Variants in SEMA6D observed in about 807,000 individuals in gnomAD.
The protein encoded by SEMA6D is semaphorin 6D, also known as semaphorin-6D.
SEMA6D carries 35 observed loss-of-function variants against 106.6 expected under a neutral mutation model. The observed-to-expected ratio is 0.33, with a 90% CI of 0.25 to 0.44. The LOEUF (loss-of-function observed/expected upper bound fraction) is 0.44, where lower values mean the gene tolerates loss of function less well. Among genes scored for constraint, SEMA6D ranks in the 20% least tolerant of loss-of-function variants. The pLI is 1.00. For missense variants in SEMA6D, 1,185 were observed against 1,345.9 expected (o/e 0.88, Z 1.87); for synonymous variants, 499 against 487.7 (o/e 1.02, Z -0.31).
intron 4 of SEMA6D, among the ~76,000 whole-genome samples, chr15:47,601,676 C>T (rs958985742): frequency 4.6e-5 from 7 of 152,116 alleles, no homozygotes; most frequent in African/African-American, 1.4e-4. Context: ...GTTTGCAATA[C>T]GTTTGGCAGA....
intron 2 of SEMA6D, among the ~76,000 whole-genome samples, chr15:47,436,763 A>G (rs1398084346): frequency 1.2e-5 from 1 of 80,594 alleles, no homozygotes. Context: ...TCTATTAAAA[A>G]AAAAAATATA....
chr15:47,603,394 A>G (rs1285044791), intron 4 of SEMA6D: 1 of 152,116 alleles, frequency 6.6e-6, no homozygotes, highest in Non-Finnish European at 1.5e-5. Flanking sequence ...ATCCTGCTTT[A>G]GAACTTACTC....
chr15:47,238,661 CA>C (rs959299527), intron 1 of SEMA6D, among the ~76,000 whole-genome samples: 10 of 147,646 alleles, frequency 6.8e-5, no homozygotes, highest in South Asian at 2.2e-4. Context: ...GACGTTTAGA[CA>C]AAAAAAAAAT....
chr15:47,232,526 G>GGTGTGTGTGTGTGTGT (rs60261871), intron 1 of SEMA6D, among the ~76,000 whole-genome samples: 274 of 148,140 alleles, frequency 1.8e-3, no homozygotes, highest in African/African-American at 6.7e-3. Flanking sequence ...ATGGGGGGAG[G>GGTGTGTGTGTGTGTGT]GTGTGTGTGT....
At chr15:47,620,286 C>G (rs930328794) in intron 4 of SEMA6D, among the ~76,000 whole-genome samples, 2 of 152,192 alleles carry the variant, frequency 1.3e-5, no homozygotes, top group Non-Finnish European at 2.9e-5. Context: ...TGCAAGCGAT[C>G]TCACACCTGG....
chr15:47,521,736 AGCACTTTGGGAGG>A, intron 3 of SEMA6D, among the ~76,000 whole-genome samples: 1 of 152,338 alleles, frequency 6.6e-6, no homozygotes. Context: ...CTGTAATCCC[AGCACTTTGGGAGG>A]CCAAGGCGGG....
At chr15:47,305,610 G>A (rs796175877) in intron 1 of SEMA6D, among the ~76,000 whole-genome samples, 3 of 152,186 alleles carry the variant, frequency 2.0e-5, no homozygotes, top group South Asian at 4.1e-4. Context: ...TTATACTACA[G>A]TCAATTAAGT....
chr15:47,612,917 C>T, intron 4 of SEMA6D, among the ~76,000 whole-genome samples: 1 of 152,026 alleles, frequency 6.6e-6, no homozygotes, highest in East Asian at 1.9e-4. Flanking sequence ...TTAACAAATG[C>T]CTTAACAATG....
chr15:47,383,825 C>T (rs1291582885), intron 1 of SEMA6D, among the ~76,000 whole-genome samples: 4 of 152,116 alleles, frequency 2.6e-5, no homozygotes, highest in Non-Finnish European at 4.4e-5. Flanking sequence ...AGATGCAGGT[C>T]TCTAGCATGC....
At chr15:47,648,849 A>G (rs1422988299) in intron 4 of SEMA6D, among the ~76,000 whole-genome samples, 2 of 152,206 alleles carry the variant, frequency 1.3e-5, no homozygotes, top group Non-Finnish European at 2.9e-5. Flanking sequence ...ATCCCACAGG[A>G]ACTTAACTCT....
chr15:47,455,695 T>C (rs948865562), intron 2 of SEMA6D, among the ~76,000 whole-genome samples: 5 of 151,930 alleles, frequency 3.3e-5, no homozygotes, highest in East Asian at 1.9e-4. Flanking sequence ...AACTCCACTT[T>C]AACAGCTCTG....
chr15:47,428,759 C>T (rs959869530), intron 2 of SEMA6D, among the ~76,000 whole-genome samples: 3 of 151,598 alleles, frequency 2.0e-5, no homozygotes, highest in Non-Finnish European at 2.9e-5. Context: ...GGGTAAGACT[C>T]TGTCAAGGAA....
chr15:47,242,474 G>C (rs979981584), intron 1 of SEMA6D, among the ~76,000 whole-genome samples: 1 of 152,080 alleles, frequency 6.6e-6, no homozygotes, highest in Non-Finnish European at 1.5e-5. Flanking sequence ...TTGTAGACCT[G>C]GGTCAGGCTC....
At chr15:47,690,881 C>G (rs1043306628) in intron 4 of SEMA6D, among the ~76,000 whole-genome samples, 1 of 152,134 alleles carries the variant, frequency 6.6e-6, no homozygotes, top group Admixed American at 6.5e-5. Context: ...CTAACTCACC[C>G]TCATGTTAAG....
chr15:47,702,576 A>C (rs1192031336), intron 4 of SEMA6D, among the ~76,000 whole-genome samples: 1 of 152,258 alleles, frequency 6.6e-6, no homozygotes, highest in Admixed American at 6.5e-5. Flanking sequence ...ATGGATATTT[A>C]TACAGCTTTG....
intron 1 of SEMA6D, among the ~76,000 whole-genome samples, chr15:47,192,579 A>AT (rs1209199708): frequency 5.3e-5 from 8 of 152,260 alleles, no homozygotes; most frequent in East Asian, 3.9e-4. Context: ...ATTAAAAAGC[A>AT]TTTTTTTCAA....
At chr15:47,247,139 G>A (rs1478156012) in intron 1 of SEMA6D, among the ~76,000 whole-genome samples, 1 of 152,156 alleles carries the variant, frequency 6.6e-6, no homozygotes, top group Non-Finnish European at 1.5e-5. Context: ...TTTAGTCTGA[G>A]AAGTGTGTAT....
intron 1 of SEMA6D, among the ~76,000 whole-genome samples, chr15:47,329,832 G>C (rs926845040): frequency 6.6e-6 from 1 of 152,174 alleles, no homozygotes; most frequent in Non-Finnish European, 1.5e-5. Context: ...AACAGAACTT[G>C]ATAGTCATAT....
chr15:47,492,235 A>G (rs7172411), intron 3 of SEMA6D, among the ~76,000 whole-genome samples: 9,810 of 152,250 alleles, frequency 0.064, 889 homozygotes, highest in African/African-American at 0.21. Flanking sequence ...AGACTGAAAA[A>G]TAGATAAATC....
Sources: allele counts gnomAD v4.1 joint callset (sites outside exome capture counted in the v4.1 genomes callset), GRCh38; gene constraint gnomAD v4.1.1; transcripts MANE v1.5; gene names NCBI Gene and HGNC (gene_info 2026-07-23, HGNC 2026-07-21).